Variants in CHTF8 observed in about 807,000 individuals in gnomAD.
CHTF8 encodes chromosome transmission fidelity protein 8 homolog.
A neutral mutation model predicts 11.0 loss-of-function variants in CHTF8; 6 were observed. That is an observed-to-expected ratio of 0.55 (90% confidence interval 0.30 to 1.08). CHTF8 has a LOEUF of 1.08. CHTF8 is among the 50% of genes least tolerant of loss of function. The pLI, the probability that CHTF8 is intolerant of heterozygous loss-of-function variation, is 0.07. For missense variants in CHTF8, 140 were observed against 153.1 expected, an observed-to-expected ratio of 0.91 and a Z score of 0.45; for synonymous variants, 53 against 60.5, an observed-to-expected ratio of 0.88 and a Z score of 0.57.
intron 1 of CHTF8, among the ~76,000 whole-genome samples, chr16:69,125,076 G>A (rs1459686899): frequency 6.6e-6 from 1 of 151,786 alleles, no homozygotes; most frequent in Non-Finnish European, 1.5e-5. Flanking sequence ...GGCTAATTTT[G>A]TATTTTTAAT....
At position 69,118,460 on chromosome 16, in the gene CHTF8, T is replaced by G. The variant is rs376562006; in HGVS notation, c.*1965A>C. 2 of 1,584,230 alleles carry G rather than the reference T, an allele frequency of 1.3e-6. No homozygotes were observed. Among genetic ancestry groups the G allele is most frequent in the South Asian group, 1.1e-5 (1 of 90,496 alleles). ...CCAACGCCACGTTTCTAGAGAGCAG[T>G]GAGCTGATTCTCCAATGGTGAGCAG... is the stretch of plus-strand genomic sequence containing the variant. On this transcript the variant is annotated 3_prime_UTR_variant, in exon 4 of 4. Transcript: ENST00000448552.
intron 1 of CHTF8, among the ~76,000 whole-genome samples, chr16:69,122,844 A>G (rs1173864616): frequency 6.7e-6 from 1 of 149,770 alleles, no homozygotes; most frequent in Non-Finnish European, 1.5e-5. Context: ...ACCTGGCTTA[A>G]TTTTTGTTAT....
In CHTF8 at chr16:69,118,938, G is replaced by C. The variant is rs558567643; in HGVS notation, c.*1487C>G. Reference sequence around the variant, plus strand: ...AAGCAGCTGGGTTTGTGCCAGGGAGGCTCCCCACTCTAGGAAATGGGACGA... The same window carrying C: ...AAGCAGCTGGGTTTGTGCCAGGGAGCCTCCCCACTCTAGGAAATGGGACGA... On this transcript the variant is annotated 3_prime_UTR_variant, in exon 4 of 4. Transcript: ENST00000448552. The C allele has an allele frequency of 1.4e-5, 10 of 703,078 alleles. No individual in the cohort carries two copies. The highest frequency in any genetic ancestry group is 1.2e-4 in the African/African-American group (7 of 57,390). The allele number at this position is 703,078 out of a possible 1,614,324, so 43.6% of individuals were successfully genotyped here.
intron 1 of CHTF8, among the ~76,000 whole-genome samples, chr16:69,129,128 C>G (rs1300272053): frequency 4.6e-5 from 7 of 151,402 alleles, no homozygotes; most frequent in African/African-American, 1.7e-4. Flanking sequence ...ACCATGATTT[C>G]TTAAGAAAAG....
In CHTF8 at chr16:69,120,825, C is replaced by T; in HGVS notation, c.142-176G>A. On this transcript the variant is annotated intron_variant, in intron 3 of 3. Coordinates refer to ENST00000448552, the MANE Select transcript of CHTF8 (RefSeq NM_001039690.5). The surrounding 1 kb of genome is among the most constrained non-coding windows in gnomAD (Gnocchi z 4.0). Reference sequence around the variant, plus strand: ...CCCATGTGCCCTTTTTACTTTCTAGCCCCACATAGGAGAATTTCCACTTTC... The same window carrying T: ...CCCATGTGCCCTTTTTACTTTCTAGTCCCACATAGGAGAATTTCCACTTTC... The T allele has an allele frequency of 1.4e-6, 1 of 730,112 alleles. No homozygotes were observed. Among genetic ancestry groups the T allele is most frequent in the Non-Finnish European group, 2.4e-6 (1 of 415,290 alleles). 45.2% of individuals were successfully genotyped at this position (730,112 alleles called of 1,614,324 possible).
chr16:69,121,713 G>C (rs1464131252), intron 1 of CHTF8, among the ~76,000 whole-genome samples: 1 of 150,528 alleles, frequency 6.6e-6, no homozygotes. Flanking sequence ...TGTCACCCAG[G>C]TTGGAGTGCA....
Position 69,120,176 on chromosome 16 carries a change from G to T in CHTF8, c.*249C>A, listed in dbSNP as rs568141371. ...GGGTCACGAGCACCAGCCGGGAAAG[G>T]TGCTGGATTTGAAGCCAATGAGCCT... is the stretch of plus-strand genomic sequence containing the variant. On this transcript the variant is annotated 3_prime_UTR_variant, in exon 4 of 4. Transcript: ENST00000448552. The surrounding 1 kb of genome is among the most constrained non-coding windows in gnomAD (Gnocchi z 4.0). The T allele has an allele frequency of 1.1e-5, 8 of 701,710 alleles. No individual in the cohort carries two copies. In the African/African-American group the frequency reaches 1.2e-4, roughly 11 times the overall value. The allele number at this position is 701,710 out of a possible 1,614,324, so 43.5% of individuals were successfully genotyped here.
chr16:69,119,421 C>T lies in CHTF8; in HGVS notation c.*1004G>A, dbSNP rs1034897285. The stretch of plus-strand genomic sequence containing the variant: ...AATTAGGGCCTATGGGGCCAGGAGC[C>T]CTTGACATGGGAGATGGATTTGGCC... On this transcript the variant is annotated 3_prime_UTR_variant, in exon 4 of 4. Coordinates refer to ENST00000448552, the MANE Select transcript of CHTF8 (RefSeq NM_001039690.5). 1 of 702,920 alleles carries T rather than the reference C, an allele frequency of 1.4e-6. No individual in the cohort carries two copies. The highest frequency in any genetic ancestry group is 2.6e-6 in the Non-Finnish European group (1 of 384,974). The allele number at this position is 702,920 out of a possible 1,614,324, so 43.5% of individuals were successfully genotyped here.
At position 69,120,545 on chromosome 16, in the gene CHTF8, G is replaced by C. The variant is rs764007812; in HGVS notation, c.246C>G (p.Asp82Glu). ...CAGTCTCGCGGCCAAGCTCATCACA[G>C]TCCTGATCCCCAGGAGTGTGTTTGA... ...VLVKHTPGDQ[D>E]CDELGRETGT... The change falls in exon 4 of 4, where the codon GAC becomes GAG. Residue 82 changes from aspartate (D) to glutamate (E), a missense_variant. Asp to Glu is a conservative substitution (Grantham distance 45). Transcript: ENST00000448552. The surrounding 1 kb of genome is among the most constrained non-coding windows in gnomAD (Gnocchi z 4.0). 1.9e-5 allele frequency: 30 copies of C among 1,613,992 alleles called. No homozygotes were observed. The highest frequency in any genetic ancestry group is 2.5e-5 in the Non-Finnish European group (30 of 1,179,972).
chr16:69,125,543 T>G (rs1366081938), intron 1 of CHTF8, among the ~76,000 whole-genome samples: 1 of 152,156 alleles, frequency 6.6e-6, no homozygotes, highest in Non-Finnish European at 1.5e-5. Flanking sequence ...CAGGCAGGCA[T>G]GGAGTATATG....
intron 2 of CHTF8, 108 bp from the exon 3 acceptor site, chr16:69,121,278 T>C: frequency 7.7e-7 from 1 of 1,293,548 alleles, no homozygotes; most frequent in South Asian, 1.4e-5. Context: ...GATGTCAAGT[T>C]CTTGGGAAAT....
At chr16:69,123,645 C>CA (rs1382855793) in intron 1 of CHTF8, among the ~76,000 whole-genome samples, 7 of 151,796 alleles carry the variant, frequency 4.6e-5, no homozygotes, top group South Asian at 2.1e-4. Context: ...GAGACTGTCT[C>CA]AAAAAATCAA....
At chr16:69,126,874 G>GA (rs534041774) in intron 1 of CHTF8, among the ~76,000 whole-genome samples, 70 of 152,278 alleles carry the variant, frequency 4.6e-4, no homozygotes, top group Non-Finnish European at 8.7e-4. Context: ...AGTAGGTAGG[G>GA]ATTCCTGAGT....
chr16:69,129,353 C>G (rs961329067), intron 1 of CHTF8, among the ~76,000 whole-genome samples: 5 of 149,858 alleles, frequency 3.3e-5, no homozygotes, highest in African/African-American at 1.2e-4. Flanking sequence ...TGGCGTGAAC[C>G]CAGGAGGCAG....
In CHTF8 at chr16:69,119,645, C is replaced by A; in HGVS notation, c.*780G>T. On this transcript the variant is annotated 3_prime_UTR_variant, in exon 4 of 4. Coordinates refer to ENST00000448552, the MANE Select transcript of CHTF8 (RefSeq NM_001039690.5). ...GGTCCAGCCATTCTTAAGTTAAGAC[C>A]AGATCCTGTGCCCAAGAGGCCACCT... 1.5e-6 allele frequency: 1 copy of A among 682,296 alleles called. No homozygotes were observed. Among genetic ancestry groups the A allele is most frequent in the Non-Finnish European group, 2.7e-6 (1 of 373,792 alleles). The allele number at this position is 682,296 out of a possible 1,614,324, so 42.3% of individuals were successfully genotyped here.
chr16:69,121,760 G>A (rs113495714), intron 1 of CHTF8, among the ~76,000 whole-genome samples: 11 of 149,640 alleles, frequency 7.4e-5, no homozygotes, highest in South Asian at 6.4e-4. Flanking sequence ...CTCCGCCTCC[G>A]GGGTTCATGC....
Position 69,121,497 on chromosome 16 carries a change from T to C in CHTF8, c.-35-4A>G. On this transcript the variant is annotated splice_region_variant and splice_polypyrimidine_tract_variant and intron_variant, in intron 1 of 3. Transcript: ENST00000448552. Reference sequence around the variant, plus strand: ...TTAAAAAGCAAGTGAAAACAAGCTGTAGAGAGAAAAAAAGAGATTTAGGGT... The same window carrying C: ...TTAAAAAGCAAGTGAAAACAAGCTGCAGAGAGAAAAAAAGAGATTTAGGGT... The C allele has an allele frequency of 6.4e-7, 1 of 1,568,204 alleles. No homozygotes were observed. The highest frequency in any genetic ancestry group is 8.7e-7 in the Non-Finnish European group (1 of 1,154,478).
rs1262899434 is a variant in CHTF8 at position 69,120,558 on chromosome 16, G to A, written c.233C>T (p.Pro78Leu). Residue 78 changes from proline (P) to leucine (L), a missense_variant, in exon 4 of 4, where the codon CCT becomes CTT. Coordinates refer to ENST00000448552, the MANE Select transcript of CHTF8 (RefSeq NM_001039690.5). The surrounding 1 kb of genome is among the most constrained non-coding windows in gnomAD (Gnocchi z 4.0). ...KPFAVLVKHTPGDQDCDELGR... is the reference protein window; with the variant it reads ...KPFAVLVKHTLGDQDCDELGR... Reference sequence around the variant, plus strand: ...AAGCTCATCACAGTCCTGATCCCCAGGAGTGTGTTTGACAAGGACTGCAAA... The same window carrying A: ...AAGCTCATCACAGTCCTGATCCCCAAGAGTGTGTTTGACAAGGACTGCAAA... 4 of 1,614,154 alleles carry A rather than the reference G, an allele frequency of 2.5e-6. No individual in the cohort carries two copies. Among genetic ancestry groups the A allele is most frequent in the Admixed American group, 1.7e-5 (1 of 60,016 alleles).
At chr16:69,121,375 G>T in intron 2 of CHTF8, 61 bp downstream of exon 2, 1 of 1,442,662 alleles carries the variant, frequency 6.9e-7, no homozygotes, top group South Asian at 1.2e-5. Context: ...CCAGACACAT[G>T]GCACACCTCT....
Sources: gnomAD v4.1 joint callset for allele counts (sites outside exome capture counted in the v4.1 genomes callset) on GRCh38, gnomAD v4.1.1 for gene constraint, Gnocchi (gnomAD v3.1) non-coding constraint, MANE v1.5 for transcripts, NCBI Gene and HGNC (gene_info 2026-07-23, HGNC 2026-07-21) for gene names.